PUM1: variants seen among roughly 807,000 people sequenced by gnomAD.
The protein encoded by PUM1 is pumilio RNA binding family member 1.
In PUM1, 13 loss-of-function variants were observed where a neutral mutation model predicts 131.8. The ratio of observed to expected loss-of-function variants is 0.10; its 90% CI spans 0.06 to 0.16. The LOEUF is 0.16. Ranked by LOEUF, PUM1 falls within the 10% of genes least tolerant of loss-of-function variation. The pLI is 1.00. For synonymous variants in PUM1, 509 were observed against 556.5 expected (o/e 0.91, Z 1.20); for missense variants, 961 against 1,512.4 (o/e 0.64, Z 6.05).
At chr1:31,010,743 C>T (rs1256872000) in intron 3 of PUM1, among the ~76,000 whole-genome samples, 1 of 152,190 alleles carries the variant, frequency 6.6e-6, no homozygotes, top group South Asian at 2.1e-4. Flanking sequence ...AGACCTTTCT[C>T]CAAGCAAGCT....
chr1:30,939,561 C>T (rs149903606), intron 20 of PUM1, among the ~76,000 whole-genome samples: 79 of 152,372 alleles, frequency 5.2e-4, no homozygotes, highest in Non-Finnish European at 8.4e-4. Context: ...TCTCTTCTTC[C>T]AAATGCCAGC....
chr1:31,026,188 G>A (rs1447793236), intron 3 of PUM1, among the ~76,000 whole-genome samples: 4 of 151,752 alleles, frequency 2.6e-5, no homozygotes, highest in African/African-American at 4.8e-5. Context: ...CCCAGGAGGC[G>A]GAGGTTACAG....
intron 21 of PUM1, 73 bp downstream of exon 21, chr1:30,936,570 C>T (rs1639218716): frequency 1.4e-5 from 20 of 1,399,252 alleles, no homozygotes; most frequent in Non-Finnish European, 1.9e-5. Context: ...AGGGCACCCA[C>T]CCTCCTTTGT....
chr1:31,033,376 CTTTTTTTTTTTT>C (rs748444500), intron 2 of PUM1, among the ~76,000 whole-genome samples: 292 of 102,552 alleles, frequency 2.8e-3, no homozygotes, highest in African/African-American at 9.5e-3. Flanking sequence ...AGCTAATTTT[CTTTTTTTTTTTT>C]TTTTTTTTTT....
At position 31,006,310 on chromosome 1, in the gene PUM1, G is replaced by A. The variant is rs538062841; in HGVS notation, c.542-279C>T. ...ATTTTTACCCCTTTATAAGTAAAAG[G>A]ATTTCTTTTTAATATATTTTATTAG... On this transcript the variant is annotated intron_variant, in intron 4 of 21. Transcript: ENST00000426105. Among the ~76,000 whole-genome samples the A allele has an allele frequency of 2.0e-5, 3 of 152,198 alleles. No individual in the cohort carries two copies. The East Asian group carries it at 5.8e-4, about 29-fold the overall frequency.
chr1:31,064,258 CCTAAA>C (rs1339828615), intron 1 of PUM1, among the ~76,000 whole-genome samples: 1 of 152,096 alleles, frequency 6.6e-6, no homozygotes, highest in Non-Finnish European at 1.5e-5. Flanking sequence ...TCATTTTAAA[CCTAAA>C]CTAAACAAAT....
At chr1:31,042,475 G>A (rs1013029930) in intron 2 of PUM1, among the ~76,000 whole-genome samples, 5 of 152,090 alleles carry the variant, frequency 3.3e-5, no homozygotes, top group African/African-American at 1.2e-4. Context: ...ACTTCATCAG[G>A]GGAAAAAAGC....
In PUM1 at chr1:30,974,710, C is replaced by T. The variant is rs761527078; in HGVS notation, c.1447G>A (p.Ala483Thr). Residue 483 changes from alanine to threonine, a missense_variant, in exon 10 of 22, where the codon GCA becomes ACA. Ala to Thr is a moderately conservative substitution (Grantham distance 58). Around this residue, in one of 4 missense-constraint regions of PUM1, gnomAD observed 654 missense variants for 923.9 expected, o/e 0.71. Coordinates refer to ENST00000426105, the MANE Select transcript of PUM1 (RefSeq NM_001020658.2). ...TGTTGATTAGCTGAATTAGTTGCTG[C>T]AGCGGCAGCGGCAGCTTGCTGCTGG... is the stretch of plus-strand genomic sequence containing the variant. ...LFQQQAAAAAAATNSANQQTT... is the reference protein window; with the variant it reads ...LFQQQAAAAATATNSANQQTT... The T allele has an allele frequency of 6.2e-7, 1 of 1,610,472 alleles. No homozygotes were observed. Among genetic ancestry groups the T allele is most frequent in the Non-Finnish European group, 8.5e-7 (1 of 1,179,116 alleles).
intron 5 of PUM1, among the ~76,000 whole-genome samples, chr1:31,002,088 T>G (rs1156516973): frequency 6.6e-6 from 1 of 152,198 alleles, no homozygotes; most frequent in African/African-American, 2.4e-5. Context: ...GAATTAGACT[T>G]TGTTGAGTTT....
intron 17 of PUM1, among the ~76,000 whole-genome samples, chr1:30,947,864 G>A (rs568297092): frequency 6.6e-6 from 1 of 151,766 alleles, no homozygotes; most frequent in Non-Finnish European, 1.5e-5. Context: ...GTGTCAGAAG[G>A]GAATAAATTT....
intron 14 of PUM1, among the ~76,000 whole-genome samples, chr1:30,962,928 T>C (rs1201447753): frequency 6.6e-6 from 1 of 152,150 alleles, no homozygotes; most frequent in Non-Finnish European, 1.5e-5. Context: ...GATGACATAG[T>C]TCACATGTTT....
intron 18 of PUM1, among the ~76,000 whole-genome samples, chr1:30,942,864 GC>G (rs1639513756): frequency 6.6e-6 from 1 of 152,122 alleles, no homozygotes; most frequent in Admixed American, 6.5e-5. Flanking sequence ...TCATCCTCCT[GC>G]CTCAGCTTCC....
At chr1:31,050,561 A>G (rs1644083770) in intron 2 of PUM1, among the ~76,000 whole-genome samples, 1 of 152,356 alleles carries the variant, frequency 6.6e-6, no homozygotes, top group Non-Finnish European at 1.5e-5. Flanking sequence ...TTCTGAGCAT[A>G]ATGAAAAGGC....
At chr1:30,948,834 T>C (rs1196981536) in intron 17 of PUM1, among the ~76,000 whole-genome samples, 2 of 152,210 alleles carry the variant, frequency 1.3e-5, no homozygotes, top group East Asian at 3.8e-4. Flanking sequence ...AAATTGGCAA[T>C]GATCTGAACA....
chr1:31,056,609 C>CTTTTCTTTTTTTTTTTTTTT (rs1644245029), intron 2 of PUM1, among the ~76,000 whole-genome samples: 3 of 43,688 alleles, frequency 6.9e-5, no homozygotes, highest in Non-Finnish European at 8.0e-5. Flanking sequence ...CTTTTCTTTT[C>CTTTTCTTTTTTTTTTTTTTT]TTTTTTTTTT....
At chr1:30,990,216 T>C (rs1570219634) in intron 7 of PUM1, among the ~76,000 whole-genome samples, 1 of 152,310 alleles carries the variant, frequency 6.6e-6, no homozygotes, top group South Asian at 2.1e-4. Context: ...CCCTGAAACC[T>C]TGTTCTGCTA....
At chr1:30,973,061 C>T in intron 10 of PUM1, 1 of 212,386 alleles carries the variant, frequency 4.7e-6, no homozygotes, top group East Asian at 1.7e-4. Flanking sequence ...GCCTGGGCAA[C>T]AAAAGCAAAA....
At chr1:30,979,001 G>GA (rs1427616267) in intron 9 of PUM1, among the ~76,000 whole-genome samples, 1 of 151,978 alleles carries the variant, frequency 6.6e-6, no homozygotes. Flanking sequence ...CTACTCAGGA[G>GA]GCTGACGCAG....
intron 6 of PUM1, among the ~76,000 whole-genome samples, chr1:30,993,509 A>C (rs1641874152): frequency 6.6e-6 from 1 of 152,134 alleles, no homozygotes; most frequent in Admixed American, 6.5e-5. Flanking sequence ...AACCTGTGGC[A>C]ACATTCAATG....
Sources: gnomAD v4.1 joint callset for allele counts (sites outside exome capture counted in the v4.1 genomes callset) on GRCh38, gnomAD v4.1.1 for gene constraint, gnomAD v4.1.1 regional missense constraint, MANE v1.5 for transcripts, NCBI Gene and HGNC (gene_info 2026-07-23, HGNC 2026-07-21) for gene names.